The following FGF14 variants were observed in gnomAD, a reference collection of about 807,000 sequenced individuals.
The protein encoded by FGF14 is fibroblast growth factor 14.
A neutral mutation model predicts 25.5 loss-of-function variants in FGF14; 5 were observed. The observed-to-expected ratio is 0.20, with a 90% confidence interval of 0.10 to 0.41. The LOEUF (loss-of-function observed/expected upper bound fraction) is 0.41, where lower values mean the gene tolerates loss of function less well. Among genes scored for constraint, FGF14 ranks in the 10% least tolerant of loss-of-function variants. The pLI, the probability that FGF14 is intolerant of heterozygous loss-of-function variation, is 1.00. For synonymous variants in FGF14, 138 were observed against 118.3 expected (o/e 1.17, Z -1.08); for missense variants, 222 against 320.1 (o/e 0.69, Z 2.34).
chr13:101,976,132 T>C (rs2037909949), intron 1 of FGF14, among the ~76,000 whole-genome samples: 1 of 141,618 alleles, frequency 7.1e-6, no homozygotes, highest in Non-Finnish European at 1.5e-5. Flanking sequence ...TTTTAGTTCA[T>C]TAATGTGTTG....
chr13:102,186,630 T>C (rs532951011), intron 1 of FGF14, among the ~76,000 whole-genome samples: 1 of 152,270 alleles, frequency 6.6e-6, no homozygotes, highest in Admixed American at 6.5e-5. Flanking sequence ...TCTATACATA[T>C]AATTTTCTCA....
chr13:102,200,532 T>C (rs2049567804), intron 1 of FGF14, among the ~76,000 whole-genome samples: 1 of 151,940 alleles, frequency 6.6e-6, no homozygotes, highest in African/African-American at 2.4e-5. Flanking sequence ...ATGATTCCCA[T>C]ATTATATGTT....
Position 101,916,640 on chromosome 13 carries a change from G to A in FGF14, c.6C>T (p.Ala2=), listed in dbSNP as rs550680103. 10 of 1,558,538 alleles carry A rather than the reference G, an allele frequency of 6.4e-6. No individual in the cohort carries two copies. Among genetic ancestry groups the A allele is most frequent in the African/African-American group, 1.4e-5 (1 of 73,290 alleles). The change falls in exon 1 of 5, where the codon GCC becomes GCT. Residue 2 remains alanine, a synonymous_variant. Coordinates refer to ENST00000376143, the MANE Select transcript of FGF14 (RefSeq NM_004115.4). M[A]AAIASGLIRQ... is the part of the protein sequence containing the mutation. ...GGATCAAGCCGCTAGCGATGGCCGC[G>A]GCCATGGTGGCCCCGGGAACGGGTC...
At chr13:102,173,719 A>G (rs551360979) in intron 1 of FGF14, among the ~76,000 whole-genome samples, 1 of 152,282 alleles carries the variant, frequency 6.6e-6, no homozygotes, top group African/African-American at 2.4e-5. Context: ...AAATAAACCA[A>G]TCAAAGGACA....
At chr13:102,054,205 T>A (rs903873011) in intron 1 of FGF14, among the ~76,000 whole-genome samples, 4 of 152,202 alleles carry the variant, frequency 2.6e-5, no homozygotes, top group African/African-American at 9.6e-5. Context: ...AGAAATATTA[T>A]GAGAAATAAT....
At chr13:101,983,577 G>A (rs1013049331) in intron 1 of FGF14, among the ~76,000 whole-genome samples, 1 of 152,136 alleles carries the variant, frequency 6.6e-6, no homozygotes, top group African/African-American at 2.4e-5. Flanking sequence ...GGTAGAAATA[G>A]CAGGCCAGTT....
chr13:102,330,729 C>A (rs1261282639), intron 1 of FGF14, among the ~76,000 whole-genome samples: 1 of 152,156 alleles, frequency 6.6e-6, no homozygotes, highest in Non-Finnish European at 1.5e-5. Flanking sequence ...AAGCTCCACA[C>A]CCCTGATCAT....
intron 1 of FGF14, among the ~76,000 whole-genome samples, chr13:102,003,986 A>G (rs2039646937): frequency 6.6e-6 from 1 of 152,038 alleles, no homozygotes; most frequent in South Asian, 2.1e-4. Flanking sequence ...TTGCTTTCTC[A>G]TACCTCCCCA....
chr13:101,762,931 T>C (rs1326203386), intron 3 of FGF14, among the ~76,000 whole-genome samples: 6 of 152,150 alleles, frequency 3.9e-5, no homozygotes, highest in African/African-American at 1.4e-4. Flanking sequence ...GACACTGCCA[T>C]AGGGAATATC....
At chr13:102,337,054 C>A (rs943037149) in intron 1 of FGF14, among the ~76,000 whole-genome samples, 1 of 152,122 alleles carries the variant, frequency 6.6e-6, no homozygotes, top group Non-Finnish European at 1.5e-5. Context: ...ATTCTGCAGC[C>A]CATCAGTCAG....
intron 1 of FGF14, among the ~76,000 whole-genome samples, chr13:102,003,468 G>C (rs2039610844): frequency 6.6e-6 from 1 of 152,196 alleles, no homozygotes; most frequent in South Asian, 2.1e-4. Flanking sequence ...GGCAGTGTAA[G>C]ACATGAGCTG....
chr13:101,924,337 G>A (rs1378725453), intron 1 of FGF14, among the ~76,000 whole-genome samples: 1 of 152,130 alleles, frequency 6.6e-6, no homozygotes, highest in East Asian at 1.9e-4. Flanking sequence ...GCATACATGA[G>A]TTAAACATAT....
chr13:102,085,067 C>T (rs1158953884), intron 1 of FGF14, among the ~76,000 whole-genome samples: 4 of 152,312 alleles, frequency 2.6e-5, no homozygotes, highest in South Asian at 2.1e-4. Context: ...AGTTAAACAA[C>T]GGACATTAAC....
intron 1 of FGF14, among the ~76,000 whole-genome samples, chr13:101,882,690 C>T (rs535839380): frequency 4.6e-5 from 7 of 152,106 alleles, no homozygotes; most frequent in Non-Finnish European, 8.8e-5. Context: ...AGAGTTGAGG[C>T]TCATATATTT....
chr13:101,959,363 TTCTC>T (rs140987589), intron 1 of FGF14, among the ~76,000 whole-genome samples: 8,082 of 152,102 alleles, frequency 0.053, 310 homozygotes, highest in East Asian at 0.18. Context: ...ATGGTGTGTG[TTCTC>T]TCTCGCTGCA....
chr13:101,956,284 G>A (rs61966460), intron 1 of FGF14, among the ~76,000 whole-genome samples: 3,635 of 152,092 alleles, frequency 0.024, 74 homozygotes, highest in Middle Eastern at 0.041. Context: ...ACAGATAGAC[G>A]GATAACATCT....
At chr13:102,267,203 C>G (rs2053030465) in intron 1 of FGF14, among the ~76,000 whole-genome samples, 1 of 151,858 alleles carries the variant, frequency 6.6e-6, no homozygotes, top group Non-Finnish European at 1.5e-5. Context: ...AGAATTATGT[C>G]CATGAGGCAG....
chr13:102,109,285 G>A (rs1000380253), intron 1 of FGF14, among the ~76,000 whole-genome samples: 5 of 152,136 alleles, frequency 3.3e-5, no homozygotes, highest in African/African-American at 1.2e-4. Flanking sequence ...TCCTGGGGAG[G>A]TTTTGGTCAA....
chr13:102,369,546 G>C (rs2057815174), intron 1 of FGF14, among the ~76,000 whole-genome samples: 1 of 152,104 alleles, frequency 6.6e-6, no homozygotes, highest in Non-Finnish European at 1.5e-5. Context: ...TATCCAAAGG[G>C]ATGTTACAAT....
Sources: gnomAD v4.1 joint callset for allele counts (sites outside exome capture counted in the v4.1 genomes callset) on GRCh38, gnomAD v4.1.1 for gene constraint, MANE v1.5 for transcripts, NCBI Gene and HGNC (gene_info 2026-07-23, HGNC 2026-07-21) for gene names.